Variants in EEF1D observed in about 807,000 individuals in gnomAD.
EEF1D encodes the protein elongation factor 1-delta.
A neutral mutation model predicts 63.9 loss-of-function variants in EEF1D; 47 were observed. The ratio of observed to expected loss-of-function variants is 0.74; its 90% CI spans 0.58 to 0.94. The LOEUF is 0.94. Among genes scored for constraint, EEF1D ranks in the 40% least tolerant of loss-of-function variants. EEF1D has a pLI of 0.00. For synonymous variants in EEF1D, 412 were observed against 386.1 expected (o/e 1.07, Z -0.79); for missense variants, 907 against 899.0 (o/e 1.01, Z -0.11).
chr8:143,581,421 A>G, intron 5 of EEF1D, 93 bp from the exon 6 acceptor site: 3 of 1,186,370 alleles, frequency 2.5e-6, no homozygotes, highest in Non-Finnish European at 3.5e-6. Flanking sequence ...CGGAAGGAAA[A>G]CTACAGCTCG....
intron 8 of EEF1D, 35 bp downstream of exon 8, chr8:143,580,471 G>A (rs1825226938): frequency 6.3e-7 from 1 of 1,597,576 alleles, no homozygotes; most frequent in Non-Finnish European, 8.6e-7. Context: ...CCAGGGCAGT[G>A]CCTGGCCCCC....
intron 2 of EEF1D, among the ~76,000 whole-genome samples, chr8:143,591,361 G>A (rs1020324053): frequency 1.3e-5 from 2 of 152,226 alleles, no homozygotes; most frequent in Non-Finnish European, 2.9e-5. Flanking sequence ...CAGCAGCCAT[G>A]TGGGATCCTG....
intron 5 of EEF1D, chr8:143,584,066 CGGAACTGTAAGGTGA>C (rs1168840051): frequency 1.3e-5 from 2 of 152,236 alleles, no homozygotes; most frequent in Non-Finnish European, 2.9e-5. Context: ...TTCTGGCCCC[CGGAACTGTAAGGTGA>C]GGAACTTGTG....
chr8:143,586,281 C>T lies in EEF1D; in HGVS notation c.1225G>A (p.Ala409Thr), dbSNP rs1024830984. Residue 409 changes from alanine to threonine, a missense_variant, in exon 5 of 10, where the codon GCC becomes ACC. Ala to Thr is a moderately conservative substitution (Grantham distance 58). Transcript: ENST00000618139. The part of the protein sequence containing the change: ...VAGASRQENG[A>T]SVILRDIARA... ...GCAATGTCACGGAGGATCACGCTGG[C>T]GCCGTTCTCCTGCAGACAGTGCAGA... The T allele has an allele frequency of 5.0e-6, 8 of 1,604,578 alleles. No homozygotes were observed. Among genetic ancestry groups the T allele is most frequent in the East Asian group, 4.5e-5 (2 of 44,544 alleles).
intron 1 of EEF1D, chr8:143,596,850 A>G (rs1828921255): frequency 6.6e-6 from 1 of 152,270 alleles, no homozygotes; most frequent in Admixed American, 6.5e-5. Context: ...ACCCAGTCAC[A>G]GTACAGGCTT....
rs561336118 is a variant in EEF1D, at chr8:143,587,007, A to G, written c.1092-155T>C. On this transcript the variant is annotated intron_variant, in intron 3 of 9. Transcript: ENST00000618139. ...CCAAGCCCGTAAGCCCTCACCCCAC[A>G]TGGCATCCCCAGGCCTGTCTTCCAG... 3.0e-5 allele frequency: 30 copies of G among 987,796 alleles called. 1 individual carries two copies. In the Admixed American group the frequency reaches 4.1e-4, roughly 13 times the overall value. 61.2% of individuals were successfully genotyped at this position (987,796 alleles called of 1,614,324 possible).
chr8:143,582,899 C>G (rs1178227229), intron 5 of EEF1D: 1 of 152,326 alleles, frequency 6.6e-6, no homozygotes, highest in African/African-American at 2.4e-5. Flanking sequence ...TAACCCTGTG[C>G]CAGCACCACG....
intron 1 of EEF1D, chr8:143,595,950 C>T (rs1034342421): frequency 6.6e-6 from 1 of 152,348 alleles, no homozygotes; most frequent in Non-Finnish European, 1.5e-5. Flanking sequence ...ACGCTGATGT[C>T]ACCTTAACAC....
chr8:143,594,912 C>T (rs1828548480), intron 1 of EEF1D, among the ~76,000 whole-genome samples: 1 of 152,162 alleles, frequency 6.6e-6, no homozygotes, highest in Non-Finnish European at 1.5e-5. Flanking sequence ...GTGAGGCCTT[C>T]GGTCTTTTTT....
rs770013959 is a variant in EEF1D, at chr8:143,579,750, G to A, written c.*42C>T. 5.9e-6 allele frequency: 9 copies of A among 1,515,348 alleles called. No homozygotes were observed. Among genetic ancestry groups the A allele is most frequent in the Non-Finnish European group, 8.0e-6 (9 of 1,130,672 alleles). The allele number at this position is 1,515,348 out of a possible 1,614,324, so 93.9% of individuals were successfully genotyped here. On this transcript the variant is annotated 3_prime_UTR_variant, in exon 10 of 10. Transcript: ENST00000618139. ...AGGGCCGGTCTCAGTCTTTAATCGT[G>A]GCAGGGCCTCACGCACGCGCGCACG...
At chr8:143,590,564 T>C in intron 2 of EEF1D, 6 of 1,096,240 alleles carry the variant, frequency 5.5e-6, no homozygotes, top group Non-Finnish European at 6.7e-6. Flanking sequence ...GTGGCTGTCC[T>C]GGCCACACCA....
At position 143,589,350 on chromosome 8, in the gene EEF1D, C is replaced by T; in HGVS notation, c.732G>A (p.Arg244=). 2 of 1,577,110 alleles carry T rather than the reference C, an allele frequency of 1.3e-6. No individual in the cohort carries two copies. Among genetic ancestry groups the T allele is most frequent in the Non-Finnish European group, 1.7e-6 (2 of 1,159,778 alleles). ...CGTCAAACAGGGCCTCGTAGAAGCC[C>T]CTCTCGGCTGCATCATACCGGGGCT... is the stretch of plus-strand genomic sequence containing the variant. ...LEKPRYDAAE[R]GFYEALFDGH... Residue 244 remains arginine (R), a synonymous_variant, in exon 3 of 10, where the codon AGG becomes AGA. Transcript: ENST00000618139.
rs1563984532 is a variant in EEF1D at position 143,589,941 on chromosome 8, T to C, written c.141A>G (p.Pro47=). Reference sequence around the variant, plus strand: ...CGTCCTGGCCGGGCCCATTCATGGCTGGCCCCTCGGCTGGCAGCTGCTGGG... The same window carrying C: ...CGTCCTGGCCGGGCCCATTCATGGCCGGCCCCTCGGCTGGCAGCTGCTGGG... ...ASAQQLPAEG[P]AMNGPGQDDP... Residue 47 remains proline, a synonymous_variant, in exon 3 of 10, where the codon CCA becomes CCG. Transcript: ENST00000618139. 6.3e-7 allele frequency: 1 copy of C among 1,599,558 alleles called. No homozygotes were observed. The highest frequency in any genetic ancestry group is 1.7e-4 in the Middle Eastern group (1 of 6,054).
intron 2 of EEF1D, chr8:143,590,396 C>T: frequency 1.6e-6 from 1 of 624,480 alleles, no homozygotes; most frequent in South Asian, 2.2e-5. Flanking sequence ...GAATGTATGG[C>T]CCATGAAGTA....
intron 3 of EEF1D, chr8:143,588,781 T>G: frequency 1.5e-6 from 1 of 674,480 alleles, no homozygotes; most frequent in Non-Finnish European, 2.4e-6. Context: ...AGCCTGGAAC[T>G]TTGTAACCTC....
chr8:143,584,565 C>T (rs1826191106), intron 5 of EEF1D, among the ~76,000 whole-genome samples: 1 of 151,882 alleles, frequency 6.6e-6, no homozygotes, highest in Non-Finnish European at 1.5e-5. Flanking sequence ...AGACTCTGTC[C>T]ACAACTCACC....
In EEF1D at chr8:143,589,030, C is replaced by T; in HGVS notation, c.1052G>A (p.Gly351Asp). ...LEAASLSHRP[G>D]PRSGLSVSSL... Reference sequence around the variant, plus strand: ...GGACACGGACAGGCCAGACCGAGGACCGGGTCGGTGAGACAGGGAGGCAGC... The same window carrying T: ...GGACACGGACAGGCCAGACCGAGGATCGGGTCGGTGAGACAGGGAGGCAGC... Residue 351 changes from glycine (G) to aspartate (D), a missense_variant, in exon 3 of 10, where the codon GGT becomes GAT. Transcript: ENST00000618139. 6.2e-7 allele frequency: 1 copy of T among 1,602,364 alleles called. No individual in the cohort carries two copies. Among genetic ancestry groups the T allele is most frequent in the African/African-American group, 1.3e-5 (1 of 75,026 alleles).
chr8:143,581,025 G>A (rs751277200), intron 7 of EEF1D, 29 bp downstream of exon 7: 4 of 1,603,700 alleles, frequency 2.5e-6, no homozygotes, highest in South Asian at 2.2e-5. Flanking sequence ...GTGGTCCCCT[G>A]CAGTGTCAGG....
chr8:143,581,499 C>G, intron 5 of EEF1D, 171 bp from the exon 6 acceptor site: 4 of 611,192 alleles, frequency 6.5e-6, no homozygotes, highest in Non-Finnish European at 1.2e-5. Context: ...GCGGCCACCA[C>G]AGACCACAGT....
Sources: allele counts gnomAD v4.1 joint callset (sites outside exome capture counted in the v4.1 genomes callset), GRCh38; gene constraint gnomAD v4.1.1; transcripts MANE v1.5; gene names NCBI Gene and HGNC (gene_info 2026-07-23, HGNC 2026-07-21).